MRM2: variants seen among roughly 807,000 people sequenced by gnomAD.
MRM2 encodes the protein rRNA methyltransferase 2, mitochondrial.
MRM2 carries 15 observed loss-of-function variants against 10.9 expected under a neutral mutation model. The ratio of observed to expected loss-of-function variants is 1.37; its 90% CI spans 0.92 to 2.11. The LOEUF (loss-of-function observed/expected upper bound fraction) is 2.11, where lower values mean the gene tolerates loss of function less well. Ranked by LOEUF, MRM2 falls within the 30% of genes most tolerant of loss-of-function variation. The probability of loss-of-function intolerance (pLI) is 0.00; values close to 1 mark genes in which losing one functional copy is unlikely to be tolerated. For synonymous variants in MRM2, 139 were observed against 128.7 expected, an observed-to-expected ratio of 1.08 and a Z score of -0.54; for missense variants, 328 against 321.3, an observed-to-expected ratio of 1.02 and a Z score of -0.16.
intron 2 of MRM2, chr7:2,238,575 C>A (rs568294632): frequency 1.3e-5 from 2 of 152,214 alleles, no homozygotes; most frequent in African/African-American, 2.4e-5. Flanking sequence ...GTGGGGCCAC[C>A]AGGAAAGCCC....
rs755387430 is a variant in MRM2, at chr7:2,235,338, C to T, written c.525G>A (p.Leu175=). 4.3e-6 allele frequency: 7 copies of T among 1,613,970 alleles called. No homozygotes were observed. In the African/African-American group the frequency reaches 9.3e-5, roughly 22 times the overall value. ...LDHDRLISLC[L]TLLSVTPDIL... ...TGTCTGGGGTCACGCTGAGAAGGGT[C>T]AGGCACAGGCTGATGAGCCTGTCAT... The change falls in exon 3 of 3, where the codon CTG becomes CTA. Residue 175 remains leucine, a synonymous_variant. Transcript: ENST00000242257.
chr7:2,242,023 G>A (rs55884116), intron 1 of MRM2, 139 bp downstream of exon 1: 4 of 888,900 alleles, frequency 4.5e-6, no homozygotes, highest in Non-Finnish European at 3.2e-6. Context: ...TCCTGGCCTC[G>A]CCCCTGTCGC....
chr7:2,236,849 C>T (rs905122732), intron 2 of MRM2, among the ~76,000 whole-genome samples: 3 of 151,680 alleles, frequency 2.0e-5, no homozygotes, highest in Non-Finnish European at 2.9e-5. Flanking sequence ...GAGATGGGGG[C>T]GTTGGGCTTG....
Position 2,235,543 on chromosome 7 carries a change from A to G in MRM2, c.320T>C (p.Phe107Ser). 1 of 1,611,890 alleles carries G rather than the reference A, an allele frequency of 6.2e-7. No homozygotes were observed. Among genetic ancestry groups the G allele is most frequent in the Non-Finnish European group, 8.5e-7 (1 of 1,178,754 alleles). Residue 107 changes from phenylalanine to serine, a missense_variant, in exon 3 of 3, where the codon TTC becomes TCC. Physicochemically the swap from Phe to Ser is radical, Grantham distance 155. Coordinates refer to ENST00000242257, the MANE Select transcript of MRM2 (RefSeq NM_013393.3). Reference sequence around the variant, plus strand: ...GTGAAGAAGATCTACCCCAAGCACGAAGCCAACAGGAGAGCTGGGATCTAT... The same window carrying G: ...GTGAAGAAGATCTACCCCAAGCACGGAGCCAACAGGAGAGCTGGGATCTAT... ...AGTDPSSPVG[F>S]VLGVDLLHIF...
intron 2 of MRM2, among the ~76,000 whole-genome samples, chr7:2,237,041 G>C (rs1401571987): frequency 3.3e-5 from 5 of 152,184 alleles, no homozygotes; most frequent in Admixed American, 2.6e-4. Context: ...GTGTGTGTGT[G>C]TGAGACAAGG....
chr7:2,235,326 G>T lies in MRM2; in HGVS notation c.537C>A (p.Ser179Arg), dbSNP rs199842276. 6 of 1,613,974 alleles carry T rather than the reference G, an allele frequency of 3.7e-6. No individual in the cohort carries two copies. In the African/African-American group the frequency reaches 6.7e-5, roughly 18 times the overall value. The change falls in exon 3 of 3, where the codon AGC becomes AGA. Residue 179 changes from serine (S) to arginine (R), a missense_variant. Transcript: ENST00000242257. ...RLISLCLTLL[S>R]VTPDILQPGG... ...CAGGTTGCAGGATGTCTGGGGTCACGCTGAGAAGGGTCAGGCACAGGCTGA... is the reference window on the plus strand; with the variant it reads ...CAGGTTGCAGGATGTCTGGGGTCACTCTGAGAAGGGTCAGGCACAGGCTGA...
In MRM2 at chr7:2,234,783, C is replaced by T. The variant is rs1255980127; in HGVS notation, c.*339G>A. 1 of 320,340 alleles carries T rather than the reference C, an allele frequency of 3.1e-6. No homozygotes were observed. The highest frequency in any genetic ancestry group is 7.3e-5 in the East Asian group (1 of 13,734). 19.8% of individuals were successfully genotyped at this position (320,340 alleles called of 1,614,324 possible). A position where few individuals can be genotyped will look rare whatever the true frequency, so the allele number is the denominator to read the frequency against. ...TCTATAAGATGAAGTCCCGTCAAGG[C>T]ACACATGGGCACACCCATCCCTGCC... On this transcript the variant is annotated 3_prime_UTR_variant, in exon 3 of 3. Transcript: ENST00000242257.
chr7:2,234,412 G>C lies in MRM2; in HGVS notation c.*710C>G, dbSNP rs148074563. ...ACCATACGTCTTCCCTAATTGTTCC[G>C]GGAACTTTTGCTGCTTGAAGAATGC... On this transcript the variant is annotated 3_prime_UTR_variant, in exon 3 of 3. Coordinates refer to ENST00000242257, the MANE Select transcript of MRM2 (RefSeq NM_013393.3). 1.3e-5 allele frequency: 2 copies of C among 152,180 alleles called. No individual in the cohort carries two copies. The highest frequency in any genetic ancestry group is 1.3e-4 in the Admixed American group (2 of 15,276). 9.4% of individuals were successfully genotyped at this position (152,180 alleles called of 1,614,324 possible). A position where few individuals can be genotyped will look rare whatever the true frequency, so the allele number is the denominator to read the frequency against.
chr7:2,237,713 G>A (rs1467930589), intron 2 of MRM2, among the ~76,000 whole-genome samples: 1 of 152,058 alleles, frequency 6.6e-6, no homozygotes, highest in Non-Finnish European at 1.5e-5. Context: ...AGGCAGAGGC[G>A]GGCGGATCAC....
chr7:2,239,308 G>T (rs977373984), intron 2 of MRM2, 110 bp downstream of exon 2: 2 of 1,056,310 alleles, frequency 1.9e-6, no homozygotes, highest in Admixed American at 1.7e-5. Context: ...GGAAGCACAC[G>T]CCTTCAAAAA....
chr7:2,242,110 GA>G (rs1794560075), intron 1 of MRM2, 51 bp downstream of exon 1: 1 of 1,572,674 alleles, frequency 6.4e-7, no homozygotes, highest in South Asian at 1.2e-5. Context: ...CGACCGGGCG[GA>G]CCCCCAACCA....
chr7:2,239,348 A>C, intron 2 of MRM2, 70 bp downstream of exon 2: 1 of 1,480,062 alleles, frequency 6.8e-7, no homozygotes, highest in Non-Finnish European at 9.3e-7. Context: ...TCCACTGGCA[A>C]AGGCAGCTTG....
Position 2,239,719 on chromosome 7 carries a change from G to A in MRM2, c.9-12C>T, listed in dbSNP as rs759444303. ...CCAGCTTCAAGTACCTGGTGGGAGA[G>A]AAGAGGAGCAGGCAGGTTGGCATCA... On this transcript the variant is annotated splice_polypyrimidine_tract_variant and intron_variant, in intron 1 of 2. Coordinates refer to ENST00000242257, the MANE Select transcript of MRM2 (RefSeq NM_013393.3). The A allele has an allele frequency of 6.2e-7, 1 of 1,607,448 alleles. No homozygotes were observed. The highest frequency in any genetic ancestry group is 8.5e-7 in the Non-Finnish European group (1 of 1,174,994).
chr7:2,241,798 G>C (rs543202382), intron 1 of MRM2, among the ~76,000 whole-genome samples: 146 of 152,342 alleles, frequency 9.6e-4, no homozygotes, highest in African/African-American at 3.2e-3. Flanking sequence ...CCGGGGGCCA[G>C]GGCCCACTCG....
intron 2 of MRM2, chr7:2,238,980 TATATATATATATATATATATATATA>T (rs1794468153): frequency 5.4e-4 from 8 of 14,742 alleles, no homozygotes; most frequent in African/African-American, 9.4e-4. Context: ...ATAATAATTA[TATATATATATATATATATATATATA>T]TATATATATA....
chr7:2,239,124 G>C (rs755406770), intron 2 of MRM2: 21 of 770,260 alleles, frequency 2.7e-5, no homozygotes, highest in Non-Finnish European at 4.1e-5. Context: ...GAAAATGTGA[G>C]GGATCTATGC....
intron 1 of MRM2, 128 bp downstream of exon 1, chr7:2,242,034 G>T: frequency 9.7e-7 from 1 of 1,026,994 alleles, no homozygotes; most frequent in Non-Finnish European, 1.4e-6. Flanking sequence ...CCCCTGTCGC[G>T]CTCGCTGAGT....
chr7:2,238,073 C>T (rs1245669197), intron 2 of MRM2: 1 of 152,164 alleles, frequency 6.6e-6, no homozygotes, highest in African/African-American at 2.4e-5. Flanking sequence ...CATTTCTGCA[C>T]TTTCAACAAG....
rs573559911 is a variant in MRM2, at chr7:2,236,919, T to A, written c.299-1355A>T. 3.0e-4 allele frequency among the ~76,000 whole-genome samples: 45 copies of A among 152,188 alleles called. No individual in the cohort carries two copies. The South Asian group carries it at 8.9e-3, about 30-fold the overall frequency. On this transcript the variant is annotated intron_variant, in intron 2 of 2. Coordinates refer to ENST00000242257, the MANE Select transcript of MRM2 (RefSeq NM_013393.3). The stretch of plus-strand genomic sequence containing the variant: ...GAAGAGGGGGAGGCAGATGCTGAGA[T>A]CAGTTATAGGCAACAAGTCTTGTTT...
Sources: gnomAD v4.1 joint callset for allele counts (sites outside exome capture counted in the v4.1 genomes callset) on GRCh38, gnomAD v4.1.1 for gene constraint, MANE v1.5 for transcripts, NCBI Gene and HGNC (gene_info 2026-07-23, HGNC 2026-07-21) for gene names.